ARHGAP15: variants seen among roughly 807,000 people sequenced by gnomAD.
ARHGAP15 encodes rho GTPase-activating protein 15.
Under a neutral mutation model 63.7 loss-of-function variants are expected in ARHGAP15, and 51 were observed. The observed-to-expected ratio is 0.80, with a 90% CI of 0.64 to 1.01. The LOEUF (loss-of-function observed/expected upper bound fraction) is 1.01, where lower values mean the gene tolerates loss of function less well. Among genes scored for constraint, ARHGAP15 ranks in the 50% least tolerant of loss-of-function variants. The pLI is 0.00. For synonymous variants in ARHGAP15, 191 were observed against 193.8 expected (o/e 0.99, Z 0.12); for missense variants, 560 against 564.6 (o/e 0.99, Z 0.08).
chr2:143,605,858 C>CAAAAAAAAAAAAAAAAAAAAAAAAAAAAA, intron 11 of ARHGAP15, among the ~76,000 whole-genome samples: 1 of 85,310 alleles, frequency 1.2e-5, no homozygotes, highest in South Asian at 4.9e-4. Flanking sequence ...TACTAAAATA[C>CAAAAAAAAAAAAAAAAAAAAAAAAAAAAA]AAAAAAAAAA....
At position 143,724,393 on chromosome 2, in the gene ARHGAP15, G is replaced by A. The variant is rs996037690; in HGVS notation, c.1244+20869G>A. ...AGCCCACTATAAACTCTAAATCATC[G>A]AAGAGACAAAGTTGTTTCTTACCGC... On this transcript the variant is annotated intron_variant, in intron 13 of 13. Transcript: ENST00000295095. 9.9e-5 allele frequency among the ~76,000 whole-genome samples: 15 copies of A among 152,134 alleles called. 1 individual carries two copies. The highest frequency in any genetic ancestry group is 6.3e-3 in the Middle Eastern group (2 of 316).
intron 6 of ARHGAP15, among the ~76,000 whole-genome samples, chr2:143,293,560 C>T (rs778257042): frequency 5.9e-5 from 9 of 151,958 alleles, no homozygotes; most frequent in Admixed American, 2.6e-4. Flanking sequence ...TTATTTATTT[C>T]GGCAGAGGAT....
intron 6 of ARHGAP15, among the ~76,000 whole-genome samples, chr2:143,366,077 A>G (rs1686279860): frequency 6.6e-6 from 1 of 152,184 alleles, no homozygotes; most frequent in Non-Finnish European, 1.5e-5. Flanking sequence ...TTCCCTAAGC[A>G]TTTTATCAGA....
chr2:143,352,089 A>G (rs1176153229), intron 6 of ARHGAP15, among the ~76,000 whole-genome samples: 1 of 152,214 alleles, frequency 6.6e-6, no homozygotes, highest in Non-Finnish European at 1.5e-5. Flanking sequence ...GAACAACATT[A>G]CAATTCTTTG....
At chr2:143,326,751 T>C (rs1031627740) in intron 6 of ARHGAP15, among the ~76,000 whole-genome samples, 1 of 152,184 alleles carries the variant, frequency 6.6e-6, no homozygotes, top group African/African-American at 2.4e-5. Flanking sequence ...AACTAGGTAT[T>C]GATGGGTCTT....
chr2:143,385,416 A>C (rs992729451), intron 6 of ARHGAP15, among the ~76,000 whole-genome samples: 2 of 150,520 alleles, frequency 1.3e-5, no homozygotes, highest in Non-Finnish European at 1.5e-5. Context: ...TTTCAACAGA[A>C]TAATAGCTAA....
intron 13 of ARHGAP15, among the ~76,000 whole-genome samples, chr2:143,751,059 G>T (rs1388796727): frequency 6.6e-6 from 1 of 152,168 alleles, no homozygotes; most frequent in Non-Finnish European, 1.5e-5. Flanking sequence ...CATGGTTGCT[G>T]TCACAGGTTA....
At chr2:143,140,157 T>C (rs1245796434) in intron 1 of ARHGAP15, among the ~76,000 whole-genome samples, 1 of 152,164 alleles carries the variant, frequency 6.6e-6, no homozygotes, top group African/African-American at 2.4e-5. Context: ...CTAAGTATTA[T>C]GATAAAATTA....
At position 143,450,398 on chromosome 2, in the gene ARHGAP15, A is replaced by C. The variant is rs192671254; in HGVS notation, c.703+13356A>C. Among the ~76,000 whole-genome samples the C allele has an allele frequency of 1.5e-3, 223 of 151,986 alleles. 1 individual carries two copies. The highest frequency in any genetic ancestry group is 5.2e-3 in the African/African-American group (216 of 41,520). On this transcript the variant is annotated intron_variant, in intron 8 of 13. Coordinates refer to ENST00000295095, the MANE Select transcript of ARHGAP15 (RefSeq NM_018460.4). ...TCACTTAATCTTTACAATTACATAA[A>C]AGTGATTATTTTCTTAAGTCTTACA...
chr2:143,282,530 G>T (rs933226719), intron 6 of ARHGAP15, among the ~76,000 whole-genome samples: 3 of 151,886 alleles, frequency 2.0e-5, no homozygotes, highest in Admixed American at 6.6e-5. Context: ...TGAGACATGC[G>T]CAGAACAGCA....
chr2:143,475,652 G>T (rs1291168403), intron 8 of ARHGAP15, among the ~76,000 whole-genome samples: 1 of 152,216 alleles, frequency 6.6e-6, no homozygotes, highest in Admixed American at 6.5e-5. Context: ...TACAGCTGGG[G>T]AATGTGGGGG....
At chr2:143,739,174 C>T (rs1485818181) in intron 13 of ARHGAP15, among the ~76,000 whole-genome samples, 1 of 151,386 alleles carries the variant, frequency 6.6e-6, no homozygotes, top group East Asian at 1.9e-4. Flanking sequence ...TGCTTAGGGG[C>T]AAACAGTGAT....
chr2:143,196,352 C>T (rs1193336154), intron 2 of ARHGAP15, among the ~76,000 whole-genome samples: 2 of 151,886 alleles, frequency 1.3e-5, no homozygotes, highest in South Asian at 2.1e-4. Context: ...ATTTGCAGGA[C>T]GTGATAATTC....
At chr2:143,649,083 G>C (rs1472394986) in intron 12 of ARHGAP15, among the ~76,000 whole-genome samples, 1 of 151,800 alleles carries the variant, frequency 6.6e-6, no homozygotes, top group Non-Finnish European at 1.5e-5. Context: ...TAGAGAGCAA[G>C]GTATTTCCTA....
intron 2 of ARHGAP15, among the ~76,000 whole-genome samples, chr2:143,193,686 A>G (rs1168869833): frequency 6.6e-6 from 1 of 151,894 alleles, no homozygotes; most frequent in Admixed American, 6.5e-5. Flanking sequence ...CAAAGCTGTT[A>G]AAAGTGACCT....
At chr2:143,413,927 T>TTGTGTG (rs1553476588) in intron 6 of ARHGAP15, among the ~76,000 whole-genome samples, 13,463 of 127,560 alleles carry the variant, frequency 0.11, 854 homozygotes, top group African/African-American at 0.13. Context: ...AGGTAGGTAG[T>TTGTGTG]TGTGTGTGTG....
intron 12 of ARHGAP15, among the ~76,000 whole-genome samples, chr2:143,681,337 G>A (rs777385220): frequency 4.6e-5 from 7 of 152,114 alleles, no homozygotes; most frequent in African/African-American, 7.2e-5. Flanking sequence ...ATTTAGTAGC[G>A]TATGTGAAAC....
At chr2:143,235,885 T>G (rs1693622439) in intron 5 of ARHGAP15, 3 of 1,494,702 alleles carry the variant, frequency 2.0e-6, no homozygotes, top group Admixed American at 5.0e-5. Flanking sequence ...GTATTTCAAT[T>G]GACTCTAGCA....
chr2:143,691,242 T>C (rs1396114214), intron 12 of ARHGAP15, among the ~76,000 whole-genome samples: 2 of 152,198 alleles, frequency 1.3e-5, no homozygotes, highest in Non-Finnish European at 2.9e-5. Flanking sequence ...TCTGTAGCAC[T>C]GTGAGATTGT....
Sources: allele counts gnomAD v4.1 joint callset (sites outside exome capture counted in the v4.1 genomes callset), GRCh38; gene constraint gnomAD v4.1.1; transcripts MANE v1.5; gene names NCBI Gene and HGNC (gene_info 2026-07-23, HGNC 2026-07-21).